MYO1H: variants seen among roughly 807,000 people sequenced by gnomAD.
MYO1H encodes the protein unconventional myosin-Ih.
Under a neutral mutation model 149.3 loss-of-function variants are expected in MYO1H, and 118 were observed. That is an observed-to-expected ratio of 0.79 (90% CI 0.68 to 0.92). The LOEUF (loss-of-function observed/expected upper bound fraction) is 0.92, where lower values mean the gene tolerates loss of function less well. Among genes scored for constraint, MYO1H ranks in the 40% least tolerant of loss-of-function variants. The probability of loss-of-function intolerance (pLI) is 0.00; values close to 1 mark genes in which losing one functional copy is unlikely to be tolerated. For synonymous variants in MYO1H, 447 were observed against 465.2 expected (o/e 0.96, Z 0.50); for missense variants, 1,212 against 1,280.7 (o/e 0.95, Z 0.82).
At chr12:109,319,033 A>C in the MYO1H span, among the ~76,000 whole-genome samples, 1 of 147,850 alleles carries the variant, frequency 6.8e-6, no homozygotes, top group East Asian at 2.0e-4. Flanking sequence ...CAAAACCAAA[A>C]AGTGTATTTA....
chr12:109,313,104 G>T, the MYO1H span, among the ~76,000 whole-genome samples: 1 of 152,108 alleles, frequency 6.6e-6, no homozygotes, highest in African/African-American at 2.4e-5. Flanking sequence ...AATTAGCCAG[G>T]CATGGTGGTG....
At chr12:109,406,153 T>C (rs980736525) in intron 8 of MYO1H, 118 bp downstream of exon 8, 3 of 685,138 alleles carry the variant, frequency 4.4e-6, no homozygotes, top group Non-Finnish European at 7.5e-6. Flanking sequence ...TTGGCTGATA[T>C]TGGTTAGGAG....
At chr12:109,380,970 C>T (rs1457194968) in intron 1 of MYO1H, among the ~76,000 whole-genome samples, 2 of 152,050 alleles carry the variant, frequency 1.3e-5, no homozygotes, top group Non-Finnish European at 2.9e-5. Flanking sequence ...AAGTTCAAAC[C>T]TCTTCATTCT....
chr12:109,433,095 G>A (rs989081240), intron 20 of MYO1H, 85 bp downstream of exon 20: 2 of 1,083,800 alleles, frequency 1.8e-6, no homozygotes, highest in Non-Finnish European at 2.8e-6. Context: ...CTAGAGCCTG[G>A]AGACTCGATT....
chr12:109,405,080 G>A (rs1870319868), intron 7 of MYO1H, among the ~76,000 whole-genome samples: 2 of 151,870 alleles, frequency 1.3e-5, no homozygotes, highest in South Asian at 2.1e-4. Flanking sequence ...AGGCATGGTG[G>A]TGCATGCCTG....
At chr12:109,410,717 G>A in exon 13 of MYO1H, 1 of 1,601,532 alleles carries the variant, frequency 6.2e-7, no homozygotes, top group South Asian at 1.1e-5. Flanking sequence ...TCAACAACAA[G>A]ATCATCTGTG....
the MYO1H span, among the ~76,000 whole-genome samples, chr12:109,341,435 C>T: frequency 0.53 from 80,017 of 151,902 alleles, 21,839 homozygotes; most frequent in African/African-American, 0.64. Flanking sequence ...CGATAGCAAT[C>T]GTGGAAATAA....
At chr12:109,418,133 T>C (rs373394322) in intron 15 of MYO1H, among the ~76,000 whole-genome samples, 1 of 151,858 alleles carries the variant, frequency 6.6e-6, no homozygotes, top group Non-Finnish European at 1.5e-5. Context: ...GGGTTGTTTT[T>C]CATTATTGAG....
chr12:109,319,299 T>C, the MYO1H span, among the ~76,000 whole-genome samples: 1 of 152,106 alleles, frequency 6.6e-6, no homozygotes, highest in African/African-American at 2.4e-5. Context: ...TTTGAAGATG[T>C]TACACTAAGG....
exon 4 of MYO1H, chr12:109,396,431 A>G: frequency 6.2e-7 from 1 of 1,613,916 alleles, no homozygotes; most frequent in Non-Finnish European, 8.5e-7. Context: ...GCTGAACTAA[A>G]TAACCATTTC....
the MYO1H span, among the ~76,000 whole-genome samples, chr12:109,315,680 C>T: frequency 0.27 from 40,428 of 152,186 alleles, 5,762 homozygotes; most frequent in Admixed American, 0.38. Flanking sequence ...TGTTACAGGG[C>T]TGGTCCCAGG....
At chr12:109,379,786 G>A (rs1227661482) in intron 1 of MYO1H, among the ~76,000 whole-genome samples, 3 of 133,836 alleles carry the variant, frequency 2.2e-5, no homozygotes, top group Non-Finnish European at 3.1e-5. Context: ...AGGCTGGAGT[G>A]CAGTGGAGCA....
intron 6 of MYO1H, 139 bp from the exon 7 acceptor site, chr12:109,403,843 A>T (rs557723125): frequency 3.6e-6 from 2 of 558,868 alleles, no homozygotes; most frequent in Admixed American, 6.3e-5. Flanking sequence ...TACATGCTAG[A>T]CAATTAGAGT....
At chr12:109,345,315 T>C (rs1053629894), upstream of MYO1H, among the ~76,000 whole-genome samples, 21 of 152,076 alleles carry the variant, frequency 1.4e-4, no homozygotes, top group African/African-American at 5.1e-4. Context: ...TAGACAGTTC[T>C]CCAAAAAAGG....
intron 17 of MYO1H, among the ~76,000 whole-genome samples, chr12:109,425,462 G>A (rs1042016512): frequency 1.4e-4 from 21 of 152,296 alleles, no homozygotes; most frequent in African/African-American, 4.6e-4. Flanking sequence ...ATGTATATGT[G>A]GCAGGCACTG....
At chr12:109,320,808 G>A in the MYO1H span, among the ~76,000 whole-genome samples, 64 of 152,164 alleles carry the variant, frequency 4.2e-4, no homozygotes, top group African/African-American at 1.4e-3. Context: ...GAAGATCCTC[G>A]GCTGGGCGTG....
the MYO1H span, among the ~76,000 whole-genome samples, chr12:109,325,566 A>C: frequency 1.3e-5 from 2 of 152,220 alleles, no homozygotes; most frequent in East Asian, 3.8e-4. Flanking sequence ...ATTTCAACAA[A>C]AGGCAAAATT....
the MYO1H span, among the ~76,000 whole-genome samples, chr12:109,330,566 G>C: frequency 6.6e-6 from 1 of 152,108 alleles, no homozygotes; most frequent in Admixed American, 6.6e-5. Flanking sequence ...GTCTATTCCA[G>C]TGACCCCTAC....
intron 1 of MYO1H, among the ~76,000 whole-genome samples, chr12:109,366,372 T>C (rs1592780965): frequency 6.6e-6 from 1 of 152,172 alleles, no homozygotes; most frequent in East Asian, 1.9e-4. Context: ...CAGGGGTGAA[T>C]TGTTAGCCAA....
Sources: gnomAD v4.1 joint callset for allele counts (sites outside exome capture counted in the v4.1 genomes callset) on GRCh38, gnomAD v4.1.1 for gene constraint, MANE v1.5 for transcripts, NCBI Gene and HGNC (gene_info 2026-07-23, HGNC 2026-07-21) for gene names.